The following LRBA variants were observed in gnomAD, a reference collection of about 807,000 sequenced individuals.
LRBA encodes the protein lipopolysaccharide-responsive and beige-like anchor protein.
Under a neutral mutation model 330.0 loss-of-function variants are expected in LRBA, and 176 were observed. The ratio of observed to expected loss-of-function variants is 0.53; its 90% CI spans 0.47 to 0.60. The LOEUF (loss-of-function observed/expected upper bound fraction) is 0.60. Among genes scored for constraint, LRBA ranks in the 20% least tolerant of loss-of-function variants. The pLI, the probability that LRBA is intolerant of heterozygous loss-of-function variation, is 0.00. For missense variants in LRBA, 3,259 were observed against 3,444.8 expected, an observed-to-expected ratio of 0.95 and a Z score of 1.35; for synonymous variants, 1,230 against 1,193.0, an observed-to-expected ratio of 1.03 and a Z score of -0.64.
At position 150,479,756 on chromosome 4, in the gene LRBA, C is replaced by T. The variant is rs935674593; in HGVS notation, c.6551+7976G>A. Among the ~76,000 whole-genome samples the T allele has an allele frequency of 2.6e-5, 4 of 152,148 alleles. 1 individual carries two copies. The highest frequency in any genetic ancestry group is 4.1e-4 in the South Asian group (2 of 4,824). On this transcript the variant is annotated intron_variant, in intron 42 of 56. Transcript: ENST00000651943. ...AATTGGGGTTTCTGCTTCATTCTCT[C>T]TTGGATCACTTGCTCTGCAGGAAGC...
chr4:150,706,164 G>A (rs1009766404), intron 36 of LRBA, among the ~76,000 whole-genome samples: 3 of 151,850 alleles, frequency 2.0e-5, no homozygotes, highest in African/African-American at 4.8e-5. Context: ...AGGAGGAAGA[G>A]GAGGAGAAGC....
intron 37 of LRBA, among the ~76,000 whole-genome samples, chr4:150,640,808 T>C (rs1778601484): frequency 6.6e-6 from 1 of 152,174 alleles, no homozygotes; most frequent in Non-Finnish European, 1.5e-5. Context: ...AAAATTATTA[T>C]CCAGGATATA....
intron 40 of LRBA, among the ~76,000 whole-genome samples, chr4:150,497,915 G>A (rs1278491277): frequency 2.0e-5 from 3 of 151,972 alleles, no homozygotes; most frequent in African/African-American, 4.8e-5. Flanking sequence ...CATATTTCAC[G>A]GGCTCCCATT....
chr4:150,892,774 G>A (rs764704503), intron 17 of LRBA, among the ~76,000 whole-genome samples: 1 of 152,110 alleles, frequency 6.6e-6, no homozygotes, highest in Admixed American at 6.5e-5. Flanking sequence ...TGCTAAAGAA[G>A]TCAACAATAC....
intron 37 of LRBA, among the ~76,000 whole-genome samples, chr4:150,604,457 T>A (rs769648045): frequency 6.6e-5 from 10 of 151,968 alleles, no homozygotes; most frequent in Non-Finnish European, 4.4e-5. Flanking sequence ...AATTAGCCAG[T>A]TAACATGGTA....
intron 56 of LRBA, among the ~76,000 whole-genome samples, chr4:150,272,988 A>C (rs571914978): frequency 6.6e-6 from 1 of 152,288 alleles, no homozygotes; most frequent in East Asian, 1.9e-4. Context: ...CAAGAAGAGC[A>C]ACTCCAGGAC....
At position 150,415,424 on chromosome 4, in the gene LRBA, G is replaced by A; in HGVS notation, c.7194+14C>T. The A allele has an allele frequency of 6.2e-7, 1 of 1,610,930 alleles. No homozygotes were observed. Among genetic ancestry groups the A allele is most frequent in the Non-Finnish European group, 8.5e-7 (1 of 1,178,482 alleles). On this transcript the variant is annotated intron_variant, in intron 47 of 56. Transcript: ENST00000651943. ...AAAGCTCATGACAGACAGAGTAGAT[G>A]ATTATTATCTTACCAATCTGTTTAT...
chr4:150,671,000 A>ATTGTGTG (rs1554076584), intron 37 of LRBA, among the ~76,000 whole-genome samples: 1 of 106,828 alleles, frequency 9.4e-6, no homozygotes, highest in African/African-American at 3.9e-5. Context: ...AACATAGCTG[A>ATTGTGTG]TGTGTGTGTG....
At chr4:150,706,167 G>A (rs969412685) in intron 36 of LRBA, among the ~76,000 whole-genome samples, 2 of 151,764 alleles carry the variant, frequency 1.3e-5, no homozygotes, top group African/African-American at 2.4e-5. Context: ...AGGAAGAGGA[G>A]GAGAAGCAAG....
intron 22 of LRBA, among the ~76,000 whole-genome samples, chr4:150,860,270 AAACTTTT>A (rs1751727301): frequency 6.6e-6 from 1 of 152,210 alleles, no homozygotes; most frequent in African/African-American, 2.4e-5. Context: ...TTACAACTTT[AAACTTTT>A]GTTTTCCCTC....
At chr4:150,283,691 G>C (rs1295116172) in intron 54 of LRBA, among the ~76,000 whole-genome samples, 1 of 152,194 alleles carries the variant, frequency 6.6e-6, no homozygotes, top group Non-Finnish European at 1.5e-5. Flanking sequence ...ATGAATTTCA[G>C]TTATCACTCC....
intron 13 of LRBA, among the ~76,000 whole-genome samples, chr4:150,905,206 A>T (rs1731197171): frequency 6.6e-6 from 1 of 152,122 alleles, no homozygotes; most frequent in South Asian, 2.1e-4. Flanking sequence ...GAAAAAAAAA[A>T]TTTGTACAAA....
intron 47 of LRBA, among the ~76,000 whole-genome samples, chr4:150,377,472 C>T (rs1286833353): frequency 2.0e-5 from 3 of 152,160 alleles, no homozygotes; most frequent in Non-Finnish European, 4.4e-5. Context: ...GACCCTTATA[C>T]TATGCAGCAG....
intron 37 of LRBA, among the ~76,000 whole-genome samples, chr4:150,634,079 C>G (rs1186890648): frequency 6.6e-6 from 1 of 152,166 alleles, no homozygotes; most frequent in African/African-American, 2.4e-5. Flanking sequence ...CGCACCATTG[C>G]ACTCCAGCCT....
intron 43 of LRBA, among the ~76,000 whole-genome samples, chr4:150,470,840 T>TACACACACACAC (rs146604033): frequency 7.1e-6 from 1 of 140,554 alleles, no homozygotes; most frequent in African/African-American, 2.6e-5. Flanking sequence ...CCCTCATTAC[T>TACACACACACAC]ACACACACAC....
In LRBA at chr4:150,865,543, A is replaced by T. The variant is rs150789208; in HGVS notation, c.2766+2128T>A. Reference sequence around the variant, plus strand: ...TAAAACAAAGCCATTTTATAAAATCAGATCTCTTTTCTTATTTACAAATGG... The same window carrying T: ...TAAAACAAAGCCATTTTATAAAATCTGATCTCTTTTCTTATTTACAAATGG... On this transcript the variant is annotated intron_variant, in intron 22 of 56. Transcript: ENST00000651943. Among the ~76,000 whole-genome samples the T allele has an allele frequency of 7.6e-3, 1,157 of 152,292 alleles. 12 individuals are homozygous for T. Among genetic ancestry groups the T allele is most frequent in the African/African-American group, 0.027 (1,103 of 41,558 alleles).
intron 48 of LRBA, among the ~76,000 whole-genome samples, chr4:150,338,834 G>A (rs922043953): frequency 1.1e-4 from 16 of 152,096 alleles, no homozygotes; most frequent in African/African-American, 3.9e-4. Context: ...TCTGGCATTA[G>A]TTACCAATTT....
intron 31 of LRBA, 33 bp downstream of exon 31, chr4:150,817,091 C>T: frequency 1.3e-6 from 2 of 1,599,164 alleles, no homozygotes; most frequent in Admixed American, 1.7e-5. Flanking sequence ...GATCTAAAAA[C>T]ATTTTTGTTG....
At chr4:150,366,203 A>T (rs1739447240) in intron 47 of LRBA, among the ~76,000 whole-genome samples, 1 of 152,176 alleles carries the variant, frequency 6.6e-6, no homozygotes, top group African/African-American at 2.4e-5. Context: ...AGCCTTTCAG[A>T]CAACCCCTAT....
Sources: gnomAD v4.1 joint callset for allele counts (sites outside exome capture counted in the v4.1 genomes callset) on GRCh38, gnomAD v4.1.1 for gene constraint, MANE v1.5 for transcripts, NCBI Gene and HGNC (gene_info 2026-07-23, HGNC 2026-07-21) for gene names.